The following AR variants were observed in gnomAD, a reference collection of about 807,000 sequenced individuals.
The protein encoded by AR is dihydrotestosterone receptor.
Under a neutral mutation model 53.9 loss-of-function variants are expected in AR, and 8 were observed. That is an observed-to-expected ratio of 0.15 (90% CI 0.09 to 0.27). AR has a LOEUF of 0.27. AR is among the 10% of genes least tolerant of loss of function. The probability of loss-of-function intolerance (pLI) is 1.00; values close to 1 mark genes in which losing one functional copy is unlikely to be tolerated. For missense variants in AR, 639 were observed against 742.5 expected (o/e 0.86, Z 1.62); for synonymous variants, 359 against 316.4 (o/e 1.13, Z -1.43).
intron 1 of AR, among the ~76,000 whole-genome samples, chrX:67,603,923 T>C (rs1279268995): frequency 9.0e-6 from 1 of 110,695 alleles, no homozygotes; most frequent in African/African-American, 3.3e-5. Context: ...AGAGATAAAA[T>C]TGGCATGGCA....
At chrX:67,662,169 G>A (rs766611563) in intron 2 of AR, among the ~76,000 whole-genome samples, 2 of 111,520 alleles carry the variant, frequency 1.8e-5, no homozygotes, top group South Asian at 3.8e-4. Context: ...TTTTTTGAAG[G>A]GTTTTTTACA....
At chrX:67,666,768 G>T (rs192524312) in intron 2 of AR, among the ~76,000 whole-genome samples, 1 of 111,865 alleles carries the variant, frequency 8.9e-6, no homozygotes, top group Admixed American at 9.5e-5. Context: ...GTGGTGAAAT[G>T]AGATCTCATT....
intron 1 of AR, among the ~76,000 whole-genome samples, chrX:67,626,447 T>TC (rs1173203354): frequency 1.3e-5 from 1 of 79,770 alleles, no homozygotes; most frequent in Non-Finnish European, 2.5e-5. Context: ...TTTTTTTTTT[T>TC]TTTTTTTTTT....
At chrX:67,555,922 A>G (rs748946742) in intron 1 of AR, among the ~76,000 whole-genome samples, 13 of 112,500 alleles carry the variant, frequency 1.2e-4, no homozygotes, top group African/African-American at 3.6e-4. Flanking sequence ...TAAATAAGCT[A>G]CTATGGTACT....
chrX:67,578,338 G>C (rs1431458046), intron 1 of AR, among the ~76,000 whole-genome samples: 3 of 111,636 alleles, frequency 2.7e-5, no homozygotes, highest in Non-Finnish European at 5.7e-5. Context: ...TGAAGTACCA[G>C]CAATATGTAC....
chrX:67,639,153 T>A (rs1309352134), intron 1 of AR, among the ~76,000 whole-genome samples: 1 of 111,630 alleles, frequency 9.0e-6, no homozygotes, highest in Admixed American at 9.5e-5. Context: ...TTCTGAGACC[T>A]CTGTTCTGTT....
At chrX:67,587,520 C>G (rs1184532227) in intron 1 of AR, among the ~76,000 whole-genome samples, 1 of 111,687 alleles carries the variant, frequency 9.0e-6, no homozygotes, top group Non-Finnish European at 1.9e-5. Flanking sequence ...CATGGATAGA[C>G]ATTTTCCAAA....
At chrX:67,605,097 C>T (rs1344343455) in intron 1 of AR, among the ~76,000 whole-genome samples, 1 of 112,447 alleles carries the variant, frequency 8.9e-6, no homozygotes, top group Non-Finnish European at 1.9e-5. Context: ...GCCTTTTATG[C>T]TGGAATAGTT....
rs759162126 is a variant in AR, at chrX:67,686,147, TTCC to T, written c.1885+29_1885+31del. The T allele has an allele frequency of 6.9e-6, 8 of 1,166,464 alleles. No individual in the cohort carries two copies. In the South Asian group the frequency reaches 1.5e-4, roughly 21 times the overall value. ...GGGAGGTAAGATACTTTTCTTTCTC[TTCC>T]TCCTCCTTCCTCTCTCCCCCTTCTC... On this transcript the variant is annotated intron_variant, in intron 3 of 7. Transcript: ENST00000374690.
intron 1 of AR, among the ~76,000 whole-genome samples, chrX:67,570,305 T>C (rs1921757527): frequency 8.9e-6 from 1 of 112,792 alleles, no homozygotes; most frequent in Non-Finnish European, 1.9e-5. Context: ...ACCGGGTTCA[T>C]AAAAAGCTCA....
intron 1 of AR, among the ~76,000 whole-genome samples, chrX:67,631,519 G>T (rs1198688027): frequency 4.5e-5 from 5 of 111,439 alleles, no homozygotes; most frequent in African/African-American, 1.3e-4. Context: ...CTCTGTATTG[G>T]TTATTCTAGT....
intron 2 of AR, among the ~76,000 whole-genome samples, chrX:67,665,281 T>C (rs890950885): frequency 8.9e-6 from 1 of 112,683 alleles, no homozygotes; most frequent in Non-Finnish European, 1.9e-5. Context: ...GTTTCTAGTG[T>C]TACCACCCAC....
intron 1 of AR, among the ~76,000 whole-genome samples, chrX:67,586,580 T>C (rs1165444072): frequency 1.8e-5 from 2 of 112,429 alleles, no homozygotes; most frequent in Non-Finnish European, 3.8e-5. Flanking sequence ...CTGTAAATGT[T>C]TGAAGGTTGA....
intron 1 of AR, among the ~76,000 whole-genome samples, chrX:67,592,180 T>A (rs1922860603): frequency 1.8e-5 from 2 of 111,676 alleles, no homozygotes; most frequent in Admixed American, 1.9e-4. Flanking sequence ...CCATATTAGG[T>A]TTATGTGGGG....
intron 2 of AR, among the ~76,000 whole-genome samples, chrX:67,674,893 A>C (rs767367697): frequency 9.0e-6 from 1 of 111,051 alleles, no homozygotes; most frequent in African/African-American, 3.3e-5. Flanking sequence ...AGCTGGGAAT[A>C]TGCTGGGTCA....
intron 1 of AR, among the ~76,000 whole-genome samples, chrX:67,625,207 CA>C (rs911640249): frequency 2.7e-5 from 3 of 110,888 alleles, no homozygotes; most frequent in African/African-American, 9.8e-5. Flanking sequence ...ATAAATTTAA[CA>C]AAAGAAGCGT....
intron 1 of AR, among the ~76,000 whole-genome samples, chrX:67,619,130 A>C (rs1336478664): frequency 9.0e-6 from 1 of 111,356 alleles, no homozygotes; most frequent in Non-Finnish European, 1.9e-5. Context: ...CTAATATATC[A>C]GTGAGTTATG....
intron 3 of AR, among the ~76,000 whole-genome samples, chrX:67,709,725 C>T (rs750894107): frequency 4.5e-5 from 5 of 112,299 alleles, no homozygotes; most frequent in African/African-American, 1.6e-4. Flanking sequence ...TCATCTTCTG[C>T]GTCACTCACG....
intron 2 of AR, among the ~76,000 whole-genome samples, chrX:67,676,882 C>T (rs2075903272): frequency 9.0e-6 from 1 of 111,598 alleles, no homozygotes; most frequent in South Asian, 3.8e-4. Flanking sequence ...GCTTTGAGTT[C>T]ATGGATGAAC....
Sources: gnomAD v4.1 joint callset for allele counts (sites outside exome capture counted in the v4.1 genomes callset) on GRCh38, gnomAD v4.1.1 for gene constraint, MANE v1.5 for transcripts, NCBI Gene and HGNC (gene_info 2026-07-23, HGNC 2026-07-21) for gene names.